Variants in NAA60 observed in about 807,000 individuals in gnomAD.
NAA60 encodes the protein N-alpha-acetyltransferase 60.
A neutral mutation model predicts 26.1 loss-of-function variants in NAA60; 8 were observed. The ratio of observed to expected loss-of-function variants is 0.31; its 90% CI spans 0.18 to 0.55. The LOEUF is 0.55. Among genes scored for constraint, NAA60 ranks in the 20% least tolerant of loss-of-function variants. The probability of loss-of-function intolerance (pLI) is 0.93; values close to 1 mark genes in which losing one functional copy is unlikely to be tolerated. For missense variants in NAA60, 290 were observed against 311.3 expected, an observed-to-expected ratio of 0.93 and a Z score of 0.51; for synonymous variants, 131 against 122.5, an observed-to-expected ratio of 1.07 and a Z score of -0.46.
intron 2 of NAA60, among the ~76,000 whole-genome samples, chr16:3,452,772 TAGTG>T (rs956619830): frequency 3.3e-5 from 5 of 151,290 alleles, no homozygotes; most frequent in African/African-American, 1.2e-4. Flanking sequence ...CTGGGCAACA[TAGTG>T]AGACTCTGTC....
chr16:3,452,711 C>A (rs10083794), intron 2 of NAA60, among the ~76,000 whole-genome samples: 155 of 151,768 alleles, frequency 1.0e-3, no homozygotes, highest in African/African-American at 3.7e-3. Context: ...AATCCCAGCA[C>A]TTTGGGAGGT....
chr16:3,478,619 C>G (rs541206704), intron 3 of NAA60, among the ~76,000 whole-genome samples: 3 of 152,198 alleles, frequency 2.0e-5, no homozygotes, highest in African/African-American at 4.8e-5. Flanking sequence ...TTGCCTGCTC[C>G]GCTCAGAGGG....
chr16:3,484,127 C>G (rs1201289908), intron 6 of NAA60, among the ~76,000 whole-genome samples: 1 of 152,142 alleles, frequency 6.6e-6, no homozygotes, highest in Non-Finnish European at 1.5e-5. Flanking sequence ...CAGAGGGAAG[C>G]CAGGAAACTT....
intron 2 of NAA60, among the ~76,000 whole-genome samples, chr16:3,450,964 G>A (rs2034761751): frequency 6.6e-6 from 1 of 152,222 alleles, no homozygotes; most frequent in Non-Finnish European, 1.5e-5. Flanking sequence ...TAAGTTAGAA[G>A]TCAATTAGAA....
intron 6 of NAA60, 61 bp downstream of exon 6, chr16:3,483,658 G>T (rs971151455): frequency 8.1e-6 from 11 of 1,353,196 alleles, no homozygotes; most frequent in African/African-American, 7.3e-5. Context: ...GGCAGAGCCA[G>T]TGAGCAAGTT....
chr16:3,452,879 C>T lies in NAA60; in HGVS notation c.-7+4339C>T, dbSNP rs77928625. On this transcript the variant is annotated intron_variant, in intron 2 of 7. Coordinates refer to ENST00000407558, the MANE Select transcript of NAA60 (RefSeq NM_001083601.3). The stretch of plus-strand genomic sequence containing the variant: ...CTGAGGTGGGAGGATCACTTGAGAC[C>T]AGGAGGTCGACACTGCAGTAAGCCG... Among the ~76,000 whole-genome samples, 1,233 of 152,162 alleles carry T rather than the reference C, an allele frequency of 8.1e-3. 80 individuals carry two copies. The South Asian group carries it at 0.12, about 15-fold the overall frequency.
At chr16:3,462,971 C>T (rs548401357) in intron 2 of NAA60, among the ~76,000 whole-genome samples, 2 of 152,102 alleles carry the variant, frequency 1.3e-5, no homozygotes, top group East Asian at 1.9e-4. Context: ...TATATAGCCA[C>T]GCAAATTGTT....
chr16:3,476,221 G>A lies in NAA60; in HGVS notation c.-6-1G>A, dbSNP rs2036474913. The A allele has an allele frequency of 1.3e-6, 2 of 1,540,856 alleles. No homozygotes were observed. The highest frequency in any genetic ancestry group is 1.8e-6 in the Non-Finnish European group (2 of 1,121,582). On this transcript the variant is annotated splice_acceptor_variant, in intron 2 of 7. Transcript: ENST00000407558. LOFTEE classifies it low-confidence loss of function (5UTR_SPLICE). Reference sequence around the variant, plus strand: ...CGCGTCCCCCCCACCCTTCCCCACAGGTGTGAATGACAGAGGTGGTGCCAT... The same window carrying A: ...CGCGTCCCCCCCACCCTTCCCCACAAGTGTGAATGACAGAGGTGGTGCCAT...
intron 4 of NAA60, among the ~76,000 whole-genome samples, chr16:3,479,941 C>T (rs561371112): frequency 2.0e-5 from 3 of 152,306 alleles, no homozygotes; most frequent in Non-Finnish European, 2.9e-5. Context: ...TCATAGAAAC[C>T]GCTAAGACTG....
At chr16:3,474,990 A>C (rs1172254412) in intron 2 of NAA60, among the ~76,000 whole-genome samples, 1 of 151,942 alleles carries the variant, frequency 6.6e-6, no homozygotes, top group African/African-American at 2.4e-5. Flanking sequence ...TATGTTGCCC[A>C]GGCTGATCTC....
chr16:3,458,250 G>C, intron 2 of NAA60: 1 of 931,940 alleles, frequency 1.1e-6, no homozygotes, highest in Non-Finnish European at 1.3e-6. Context: ...GGGGTAGGCG[G>C]GGAGGCCGCG....
intron 6 of NAA60, among the ~76,000 whole-genome samples, chr16:3,484,016 T>C (rs998630873): frequency 2.0e-5 from 3 of 152,144 alleles, no homozygotes; most frequent in African/African-American, 7.2e-5. Context: ...TTTTTACTTT[T>C]TTTGAATACT....
At chr16:3,445,229 T>G (rs2034499979) in intron 1 of NAA60, among the ~76,000 whole-genome samples, 1 of 152,004 alleles carries the variant, frequency 6.6e-6, no homozygotes, top group African/African-American at 2.4e-5. Flanking sequence ...GTTGAGTCAC[T>G]GTGGTGTTCA....
chr16:3,466,211 C>T (rs2035750722), intron 2 of NAA60, among the ~76,000 whole-genome samples: 1 of 152,266 alleles, frequency 6.6e-6, no homozygotes, highest in Non-Finnish European at 1.5e-5. Flanking sequence ...CCTCCATTGT[C>T]ACTCCTCTGT....
At chr16:3,447,755 C>A (rs761453415) in intron 1 of NAA60, 18 of 425,956 alleles carry the variant, frequency 4.2e-5, no homozygotes, top group Non-Finnish European at 5.6e-5. Context: ...GCAAGTCATG[C>A]CTGCAAGAAC....
rs199996256 is a variant in NAA60, at chr16:3,482,489, A to G, written c.241-13A>G. Reference sequence around the variant, plus strand: ...ACGTGTGAGCCTGACTTTCTCTCTGACTCTTCCTCTAGGATGGAGATATTC... The same window carrying G: ...ACGTGTGAGCCTGACTTTCTCTCTGGCTCTTCCTCTAGGATGGAGATATTC... On this transcript the variant is annotated splice_polypyrimidine_tract_variant and intron_variant, in intron 4 of 7. Transcript: ENST00000407558. 4.8e-4 allele frequency: 767 copies of G among 1,582,508 alleles called. No individual in the cohort carries two copies. Among genetic ancestry groups the G allele is most frequent in the Admixed American group, 7.3e-4 (41 of 56,212 alleles).
intron 2 of NAA60, among the ~76,000 whole-genome samples, chr16:3,455,136 C>T (rs566538086): frequency 7.9e-5 from 12 of 152,260 alleles, no homozygotes; most frequent in East Asian, 1.9e-4. Flanking sequence ...GCTGCAACCT[C>T]GGCCTCCCGG....
chr16:3,444,197 C>T (rs2150937379), intron 1 of NAA60, among the ~76,000 whole-genome samples: 1 of 152,194 alleles, frequency 6.6e-6, no homozygotes, highest in South Asian at 2.1e-4. Context: ...ATGCAGCCTA[C>T]CCTAGAGCCA....
intron 1 of NAA60, among the ~76,000 whole-genome samples, chr16:3,445,094 C>G (rs1567357684): frequency 6.6e-6 from 1 of 152,148 alleles, no homozygotes; most frequent in Non-Finnish European, 1.5e-5. Flanking sequence ...AGTAAAGGTG[C>G]TTCCAGGACA....
Sources: gnomAD v4.1 joint callset for allele counts (sites outside exome capture counted in the v4.1 genomes callset) on GRCh38, gnomAD v4.1.1 for gene constraint, MANE v1.5 for transcripts, NCBI Gene and HGNC (gene_info 2026-07-23, HGNC 2026-07-21) for gene names.